C2CD2: variants seen among roughly 807,000 people sequenced by gnomAD.
C2CD2 encodes C2 domain-containing protein 2.
Under a neutral mutation model 74.3 loss-of-function variants are expected in C2CD2, and 43 were observed. The ratio of observed to expected loss-of-function variants is 0.58; its 90% CI spans 0.45 to 0.75. C2CD2 has a LOEUF of 0.75. Ranked by LOEUF, C2CD2 falls within the 30% of genes least tolerant of loss-of-function variation. The pLI is 0.00. For synonymous variants in C2CD2, 422 were observed against 390.7 expected, an observed-to-expected ratio of 1.08 and a Z score of -0.94; for missense variants, 801 against 916.3, an observed-to-expected ratio of 0.87 and a Z score of 1.63.
At position 41,903,527 on chromosome 21, in the gene C2CD2, C is replaced by T. The variant is rs1481999731; in HGVS notation, c.1433-1778G>A. 6.6e-6 allele frequency among the ~76,000 whole-genome samples: 1 copy of T among 152,162 alleles called. No individual in the cohort carries two copies. The highest frequency in any genetic ancestry group is 1.5e-5 in the Non-Finnish European group (1 of 68,040). Reference sequence around the variant, plus strand: ...TGCCATAGAAAATCTACACATTTGGCGTCAGGAGTGTTGTGAGTAGAGGAA... The same window carrying T: ...TGCCATAGAAAATCTACACATTTGGTGTCAGGAGTGTTGTGAGTAGAGGAA... On this transcript the variant is annotated intron_variant, in intron 11 of 13. Coordinates refer to ENST00000380486, the MANE Select transcript of C2CD2 (RefSeq NM_015500.2). The surrounding 1 kb of genome is among the most constrained non-coding windows in gnomAD (Gnocchi z 4.5).
intron 2 of C2CD2, 133 bp downstream of exon 2, chr21:41,942,014 T>C: frequency 8.4e-7 from 1 of 1,192,544 alleles, no homozygotes; most frequent in South Asian, 1.8e-5. Flanking sequence ...CATCAGCTGA[T>C]GGGCCAGATG....
At chr21:41,927,618 G>A (rs554151700) in intron 2 of C2CD2, among the ~76,000 whole-genome samples, 5 of 151,816 alleles carry the variant, frequency 3.3e-5, no homozygotes, top group Middle Eastern at 3.4e-3. Flanking sequence ...CTACAGGCAC[G>A]TGCCACCACA....
chr21:41,889,364 G>A lies in C2CD2; in HGVS notation c.1871-20C>T. 3 of 1,572,984 alleles carry A rather than the reference G, an allele frequency of 1.9e-6. No individual in the cohort carries two copies. The highest frequency in any genetic ancestry group is 2.6e-6 in the Non-Finnish European group (3 of 1,144,082). On this transcript the variant is annotated intron_variant, in intron 13 of 13. Transcript: ENST00000380486. ...TTCCTCCTGGAAGAGGGAGGCACAA[G>A]GGCTGGTCAAGTGGGCAGGGAATGA... is the stretch of plus-strand genomic sequence containing the variant.
chr21:41,897,921 C>T (rs1349417319), intron 13 of C2CD2, among the ~76,000 whole-genome samples: 2 of 152,204 alleles, frequency 1.3e-5, no homozygotes, highest in Non-Finnish European at 2.9e-5. Context: ...CATCCCTGGC[C>T]TCTATTCACT....
At chr21:41,934,157 G>T (rs951382630) in intron 2 of C2CD2, among the ~76,000 whole-genome samples, 1 of 152,154 alleles carries the variant, frequency 6.6e-6, no homozygotes, top group Non-Finnish European at 1.5e-5. Flanking sequence ...ACCAGGTGAG[G>T]TGGCTCACAC....
At chr21:41,925,486 T>G (rs1472153518) in intron 2 of C2CD2, among the ~76,000 whole-genome samples, 1 of 152,134 alleles carries the variant, frequency 6.6e-6, no homozygotes, top group Non-Finnish European at 1.5e-5. Flanking sequence ...CTGCCTCAAA[T>G]TTTTACATGG....
At position 41,907,704 on chromosome 21, in the gene C2CD2, C is replaced by A; in HGVS notation, c.1099G>T (p.Gly367Trp). 6.2e-7 allele frequency: 1 copy of A among 1,612,900 alleles called. No homozygotes were observed. Among genetic ancestry groups the A allele is most frequent in the Non-Finnish European group, 8.5e-7 (1 of 1,179,796 alleles). ...AGCACCGAGCTGCCGCAGGCAGACC[C>A]GCTGGTCAGCGTGAAGCTCTGTGGC... is the stretch of plus-strand genomic sequence containing the variant. Reference protein sequence around the residue: ...SGPQSFTLTSGSACGSSVLGS... With the variant: ...SGPQSFTLTSWSACGSSVLGS... The change falls in exon 9 of 14, where the codon GGG becomes TGG. Residue 367 changes from glycine to tryptophan, a missense_variant. Coordinates refer to ENST00000380486, the MANE Select transcript of C2CD2 (RefSeq NM_015500.2).
chr21:41,899,265 C>A lies in C2CD2; in HGVS notation c.1658G>T (p.Arg553Met). 8.7e-6 allele frequency: 14 copies of A among 1,612,202 alleles called. No homozygotes were observed. Among genetic ancestry groups the A allele is most frequent in the Non-Finnish European group, 1.2e-5 (14 of 1,179,864 alleles). Residue 553 changes from arginine (R) to methionine (M), a missense_variant, in exon 13 of 14, where the codon AGG becomes ATG. Arg to Met is a moderately conservative substitution (Grantham distance 91). Coordinates refer to ENST00000380486, the MANE Select transcript of C2CD2 (RefSeq NM_015500.2). This position sits in a 1 kb window ranked among gnomAD's most constrained non-coding sequence, Gnocchi z 4.4. ...CTCTGGCGGGGCAGAGGCTGCCGCC[C>A]TCTCCGGATGGGATGGGGCGTCCTC... ...HQEDAPSHPE[R>M]AAASAPPEEA...
intron 2 of C2CD2, among the ~76,000 whole-genome samples, chr21:41,938,305 G>A (rs919323889): frequency 2.6e-5 from 4 of 152,030 alleles, no homozygotes; most frequent in African/African-American, 7.3e-5. Flanking sequence ...CTCAGGTAAA[G>A]GAAGGGTAAA....
chr21:41,909,333 C>A, intron 8 of C2CD2, 126 bp downstream of exon 8: 1 of 611,726 alleles, frequency 1.6e-6, no homozygotes, highest in South Asian at 2.2e-5. Flanking sequence ...ATGGGAAAAC[C>A]AAAGTCATTT....
intron 7 of C2CD2, among the ~76,000 whole-genome samples, chr21:41,910,441 A>G (rs2065014128): frequency 6.6e-6 from 1 of 152,188 alleles, no homozygotes; most frequent in African/African-American, 2.4e-5. Flanking sequence ...AGGTCGACGG[A>G]TGGCATCCAG....
At chr21:41,913,537 G>C (rs542336612) in intron 6 of C2CD2, among the ~76,000 whole-genome samples, 21 of 152,240 alleles carry the variant, frequency 1.4e-4, no homozygotes, top group Non-Finnish European at 2.1e-4. Context: ...CCGAGTCCAG[G>C]GAGCTCACGT....
chr21:41,919,360 T>C (rs148617621), intron 3 of C2CD2, among the ~76,000 whole-genome samples: 256 of 152,360 alleles, frequency 1.7e-3, no homozygotes, highest in Middle Eastern at 3.4e-3. Flanking sequence ...CCACTTGGCA[T>C]ACAATGTGCT....
chr21:41,894,839 A>G (rs905354453), intron 13 of C2CD2: 3 of 456,748 alleles, frequency 6.6e-6, no homozygotes, highest in South Asian at 1.5e-5. Context: ...GCCAGTGCAC[A>G]CTAAATAGCC....
In C2CD2 at chr21:41,926,629, A is replaced by G. The variant is rs1204608836; in HGVS notation, c.379-4544T>C. On this transcript the variant is annotated intron_variant, in intron 2 of 13. Transcript: ENST00000380486. This position sits in a 1 kb window ranked among gnomAD's most constrained non-coding sequence, Gnocchi z 8.0. ...CTTTGTTTAGACTTGGGGCCAAAAA[A>G]TTCCAGGCACAGTTACTCCAGATTT... The G allele has an allele frequency of 3.0e-6, 3 of 984,968 alleles. No homozygotes were observed. The highest frequency in any genetic ancestry group is 3.6e-6 in the Non-Finnish European group (3 of 829,678). The allele number at this position is 984,968 out of a possible 1,614,324, so 61.0% of individuals were successfully genotyped here. A position where few individuals can be genotyped will look rare whatever the true frequency, so the allele number is the denominator to read the frequency against.
At chr21:41,922,169 T>G in intron 2 of C2CD2, 84 bp from the exon 3 acceptor site, 1 of 806,586 alleles carries the variant, frequency 1.2e-6, no homozygotes. Flanking sequence ...TCTTCTTTTT[T>G]TTTTTTTGAG....
At chr21:41,928,361 G>A (rs1458935674) in intron 2 of C2CD2, among the ~76,000 whole-genome samples, 4 of 152,120 alleles carry the variant, frequency 2.6e-5, no homozygotes, top group African/African-American at 9.7e-5. Flanking sequence ...AGGTGGCCTC[G>A]TGGGAGTCGC....
At chr21:41,914,140 C>T (rs929149330) in intron 6 of C2CD2, among the ~76,000 whole-genome samples, 10 of 151,990 alleles carry the variant, frequency 6.6e-5, no homozygotes, top group South Asian at 2.1e-4. Flanking sequence ...GCAGGAGAAT[C>T]GCTTGAACCC....
Position 41,889,075 on chromosome 21 carries a change from A to C in C2CD2, c.*49T>G. 3.8e-5 allele frequency: 50 copies of C among 1,312,818 alleles called. No individual in the cohort carries two copies. Among genetic ancestry groups the C allele is most frequent in the Middle Eastern group, 2.6e-4 (1 of 3,868 alleles). 81.3% of individuals were successfully genotyped at this position (1,312,818 alleles called of 1,614,324 possible). On this transcript the variant is annotated 3_prime_UTR_variant, in exon 14 of 14. Transcript: ENST00000380486. ...ACACTGGCTGCGTCCTGGTGAGGGT[A>C]GTTAACATGGGTGCACGTCTTCTGG...
Sources: gnomAD v4.1 joint callset for allele counts (sites outside exome capture counted in the v4.1 genomes callset) on GRCh38, gnomAD v4.1.1 for gene constraint, Gnocchi (gnomAD v3.1) non-coding constraint, MANE v1.5 for transcripts, NCBI Gene and HGNC (gene_info 2026-07-23, HGNC 2026-07-21) for gene names.